Variants in BMP2K observed in about 807,000 individuals in gnomAD.
BMP2K encodes BMP2 inducible kinase.
A neutral mutation model predicts 116.0 loss-of-function variants in BMP2K; 74 were observed. The ratio of observed to expected loss-of-function variants is 0.64; its 90% CI spans 0.53 to 0.77. The LOEUF (loss-of-function observed/expected upper bound fraction) is 0.77, where lower values mean the gene tolerates loss of function less well. Ranked by LOEUF, BMP2K falls within the 30% of genes least tolerant of loss-of-function variation. The pLI is 0.00. For missense variants in BMP2K, 1,365 were observed against 1,403.6 expected (o/e 0.97, Z 0.44); for synonymous variants, 486 against 502.5 (o/e 0.97, Z 0.44).
At chr4:78,874,175 T>TCACA (rs148882911) in intron 13 of BMP2K, among the ~76,000 whole-genome samples, 8,368 of 148,360 alleles carry the variant, frequency 0.056, 301 homozygotes, top group East Asian at 0.22. Context: ...AGACTCCATC[T>TCACA]CACACACACA....
chr4:78,878,713 C>G, intron 13 of BMP2K, 21 bp from the exon 14 acceptor site: 1 of 1,539,754 alleles, frequency 6.5e-7, no homozygotes, highest in Non-Finnish European at 8.8e-7. Context: ...CTTCTTTTTT[C>G]TTACTCAATT....
intron 1 of BMP2K, among the ~76,000 whole-genome samples, chr4:78,816,337 A>G (rs1201169494): frequency 1.3e-5 from 2 of 152,126 alleles, no homozygotes; most frequent in East Asian, 1.9e-4. Flanking sequence ...TTTTCCTTTC[A>G]TACTTGGGTA....
rs537898784 is a variant in BMP2K, at chr4:78,850,911, CT to C, written c.751-10del. On this transcript the variant is annotated splice_polypyrimidine_tract_variant and intron_variant, in intron 6 of 15. Coordinates refer to ENST00000502613, the MANE Select transcript of BMP2K (RefSeq NM_198892.2). ...TTGAGCTCTAATGATATTTATGCTT[CT>C]TTGGTTTACAGGCACTGGGATGTCT... The C allele has an allele frequency of 1.3e-4, 204 of 1,609,092 alleles. No homozygotes were observed. In the African/African-American group the frequency reaches 2.5e-3, roughly 19 times the overall value.
intron 15 of BMP2K, among the ~76,000 whole-genome samples, chr4:78,902,263 A>G (rs1175893012): frequency 6.6e-6 from 1 of 152,178 alleles, no homozygotes; most frequent in African/African-American, 2.4e-5. Context: ...TATTCTGTAA[A>G]TAGCAAAACA....
chr4:78,797,427 A>G (rs1728352279), intron 1 of BMP2K, among the ~76,000 whole-genome samples: 1 of 152,228 alleles, frequency 6.6e-6, no homozygotes, highest in Non-Finnish European at 1.5e-5. Flanking sequence ...AATTTCATCT[A>G]GGGTCCTTTA....
intron 1 of BMP2K, among the ~76,000 whole-genome samples, chr4:78,785,080 T>C (rs1727670143): frequency 6.6e-6 from 1 of 152,174 alleles, no homozygotes; most frequent in Non-Finnish European, 1.5e-5. Context: ...ATTTATTTTT[T>C]AATCCTAAAG....
intron 15 of BMP2K, among the ~76,000 whole-genome samples, chr4:78,905,163 C>T (rs866688731): frequency 1.6e-4 from 25 of 151,652 alleles, no homozygotes; most frequent in African/African-American, 5.1e-4. Context: ...TTAACCCTTT[C>T]GTTAAGTTTT....
intron 3 of BMP2K, among the ~76,000 whole-genome samples, chr4:78,840,935 A>C (rs1182143847): frequency 6.6e-6 from 1 of 152,238 alleles, no homozygotes; most frequent in Admixed American, 6.5e-5. Context: ...CCAAGAAAGC[A>C]TTTTTTTATT....
At chr4:78,806,772 G>A (rs1304104213) in intron 1 of BMP2K, among the ~76,000 whole-genome samples, 1 of 151,766 alleles carries the variant, frequency 6.6e-6, no homozygotes, top group African/African-American at 2.4e-5. Flanking sequence ...ATCATATTGA[G>A]AAGGTTGCCT....
At chr4:78,835,368 G>T (rs796410826) in intron 3 of BMP2K, among the ~76,000 whole-genome samples, 7 of 152,230 alleles carry the variant, frequency 4.6e-5, no homozygotes, top group African/African-American at 1.2e-4. Context: ...GCTCACGCCT[G>T]TAATCTCAGC....
chr4:78,846,745 G>A (rs187786600), intron 5 of BMP2K, among the ~76,000 whole-genome samples: 11 of 151,504 alleles, frequency 7.3e-5, no homozygotes, highest in Non-Finnish European at 1.5e-4. Context: ...AAGGAAGTAC[G>A]TTAGAGTCCA....
At position 78,913,627 on chromosome 4, in the gene BMP2K, A is replaced by T. The variant is rs1228645376; in HGVS notation, c.*1594A>T. On this transcript the variant is annotated 3_prime_UTR_variant, in exon 16 of 16. Transcript: ENST00000502613. ...AGTATATTTTACGAGTAATTTTATT[A>T]GGAATCTCTTATAGTGCCCCAATGG... is the stretch of plus-strand genomic sequence containing the variant. 6.6e-6 allele frequency: 1 copy of T among 152,200 alleles called. No individual in the cohort carries two copies. Among genetic ancestry groups the T allele is most frequent in the Non-Finnish European group, 1.5e-5 (1 of 68,002 alleles). 9.4% of individuals were successfully genotyped at this position (152,200 alleles called of 1,614,324 possible). A position where few individuals can be genotyped will look rare whatever the true frequency, so the allele number is the denominator to read the frequency against.
At chr4:78,845,135 G>A in intron 5 of BMP2K, 86 bp downstream of exon 5, 1 of 1,153,874 alleles carries the variant, frequency 8.7e-7, no homozygotes, top group Non-Finnish European at 1.2e-6. Flanking sequence ...ACAAATTTTA[G>A]GTATTTCATT....
chr4:78,888,399 A>G (rs1199316072), intron 15 of BMP2K, among the ~76,000 whole-genome samples: 1 of 152,242 alleles, frequency 6.6e-6, no homozygotes, highest in East Asian at 1.9e-4. Context: ...TAATAACTCA[A>G]AATAGTCATT....
At chr4:78,890,173 G>GAA in intron 15 of BMP2K, among the ~76,000 whole-genome samples, 1 of 146,102 alleles carries the variant, frequency 6.8e-6, no homozygotes, top group Non-Finnish European at 1.5e-5. Context: ...ATTTGAAATG[G>GAA]AAAAAAAAAA....
intron 1 of BMP2K, among the ~76,000 whole-genome samples, chr4:78,785,571 C>G (rs138332399): frequency 1.3e-5 from 2 of 152,256 alleles, no homozygotes; most frequent in Non-Finnish European, 2.9e-5. Flanking sequence ...ATTTTACTAT[C>G]TTGATTGTGT....
intron 6 of BMP2K, among the ~76,000 whole-genome samples, chr4:78,848,122 C>G (rs1731094070): frequency 6.6e-6 from 1 of 151,252 alleles, no homozygotes; most frequent in South Asian, 2.1e-4. Context: ...GTTGGGGTAC[C>G]AAAGTCTTGA....
At chr4:78,821,983 CAAG>C (rs1263728104) in intron 1 of BMP2K, among the ~76,000 whole-genome samples, 3 of 152,076 alleles carry the variant, frequency 2.0e-5, no homozygotes, top group African/African-American at 4.8e-5. Flanking sequence ...TAATGGCTTA[CAAG>C]AAGAAGTTAG....
Position 78,870,951 on chromosome 4 carries a change from AGC to A in BMP2K, c.1401_1402del (p.Gln468ThrfsTer95), listed in dbSNP as rs1338583456. On this transcript the variant is annotated frameshift_variant, in exon 11 of 16. Coordinates refer to ENST00000502613, the MANE Select transcript of BMP2K (RefSeq NM_198892.2). LOFTEE classifies it high-confidence loss of function. Reference sequence around the variant, plus strand: ...CACCAGCAGCAGCAGCAGCAGCAGCAGCAACAGCAACAGCAGCAGCAGCAACA... The same window carrying A: ...CACCAGCAGCAGCAGCAGCAGCAGCAAACAGCAACAGCAGCAGCAGCAACA... The A allele has an allele frequency of 6.2e-7, 1 of 1,611,448 alleles. No homozygotes were observed. The highest frequency in any genetic ancestry group is 1.3e-5 in the African/African-American group (1 of 74,618).
Sources: gnomAD v4.1 joint callset for allele counts (sites outside exome capture counted in the v4.1 genomes callset) on GRCh38, gnomAD v4.1.1 for gene constraint, MANE v1.5 for transcripts, NCBI Gene and HGNC (gene_info 2026-07-23, HGNC 2026-07-21) for gene names.